The following LPP variants were observed in gnomAD, a reference collection of about 807,000 sequenced individuals.
LPP encodes the protein lipoma-preferred partner.
A neutral mutation model predicts 60.4 loss-of-function variants in LPP; 38 were observed. The ratio of observed to expected loss-of-function variants is 0.63; its 90% confidence interval spans 0.49 to 0.83. The LOEUF (loss-of-function observed/expected upper bound fraction) is 0.83, where lower values mean the gene tolerates loss of function less well. LPP is among the 40% of genes least tolerant of loss of function. The pLI is 0.00. For missense variants in LPP, 902 were observed against 783.6 expected, an observed-to-expected ratio of 1.15 and a Z score of -1.80; for synonymous variants, 328 against 290.8, an observed-to-expected ratio of 1.13 and a Z score of -1.30.
chr3:188,603,197 G>A (rs1841767045), intron 6 of LPP, among the ~76,000 whole-genome samples: 1 of 151,850 alleles, frequency 6.6e-6, no homozygotes, highest in Non-Finnish European at 1.5e-5. Flanking sequence ...TCACTTTGTT[G>A]TTTCCTAGAC....
At chr3:188,869,046 T>G (rs530732654) in intron 10 of LPP, among the ~76,000 whole-genome samples, 1 of 152,252 alleles carries the variant, frequency 6.6e-6, no homozygotes, top group South Asian at 2.1e-4. Context: ...GTGGTCAGAA[T>G]AGGCTTTGTG....
chr3:188,632,126 CT>C (rs35673562), intron 7 of LPP, among the ~76,000 whole-genome samples: 141 of 152,170 alleles, frequency 9.3e-4, no homozygotes, highest in African/African-American at 3.3e-3. Context: ...TATTCCTTTC[CT>C]TTTTTCCCTC....
At chr3:188,197,612 C>T (rs1001448420) in intron 1 of LPP, among the ~76,000 whole-genome samples, 1 of 152,184 alleles carries the variant, frequency 6.6e-6, no homozygotes, top group Non-Finnish European at 1.5e-5. Context: ...ATCTCAGGCC[C>T]TAATGAGGTG....
intron 8 of LPP, among the ~76,000 whole-genome samples, chr3:188,743,148 A>C (rs1485197814): frequency 6.6e-6 from 1 of 152,194 alleles, no homozygotes; most frequent in Non-Finnish European, 1.5e-5. Context: ...TGAGGGAAAT[A>C]TCTTTATAGA....
At chr3:188,847,223 C>T (rs986265236) in intron 9 of LPP, among the ~76,000 whole-genome samples, 1 of 152,268 alleles carries the variant, frequency 6.6e-6, no homozygotes. Context: ...GTGTGAGACT[C>T]TTGGAGTAAA....
chr3:188,295,403 CCA>C (rs1747536930), intron 2 of LPP, among the ~76,000 whole-genome samples: 1 of 152,204 alleles, frequency 6.6e-6, no homozygotes, highest in African/African-American at 2.4e-5. Flanking sequence ...AGTGACAAAA[CCA>C]CAGTCATCCA....
chr3:188,156,930 C>G (rs1716668076), intron 1 of LPP, among the ~76,000 whole-genome samples: 1 of 151,768 alleles, frequency 6.6e-6, no homozygotes, highest in South Asian at 2.1e-4. Context: ...TATTACGTAC[C>G]ATTGGCAAAT....
intron 3 of LPP, among the ~76,000 whole-genome samples, chr3:188,396,400 A>T (rs980064133): frequency 2.6e-5 from 4 of 152,224 alleles, no homozygotes; most frequent in African/African-American, 9.6e-5. Flanking sequence ...TCATGGCCTG[A>T]CTAATGGTCA....
At chr3:188,813,193 T>C (rs112924763) in intron 9 of LPP, among the ~76,000 whole-genome samples, 30 of 152,326 alleles carry the variant, frequency 2.0e-4, no homozygotes, top group African/African-American at 7.2e-4. Context: ...GTACTCCATG[T>C]ATATTTTTAT....
chr3:188,754,005 G>T (rs1267484345), intron 8 of LPP, among the ~76,000 whole-genome samples: 2 of 152,204 alleles, frequency 1.3e-5, no homozygotes, highest in Non-Finnish European at 2.9e-5. Context: ...AACCATAGGA[G>T]ATTGCATATT....
chr3:188,807,254 C>A (rs1749445025), intron 9 of LPP, among the ~76,000 whole-genome samples: 1 of 151,866 alleles, frequency 6.6e-6, no homozygotes, highest in Non-Finnish European at 1.5e-5. Context: ...TCTGACTGAT[C>A]TCAAACTTTT....
In LPP at chr3:188,615,538, CAT is replaced by C. The variant is rs1190657705; in HGVS notation, c.1113+5697_1113+5698del. Among the ~76,000 whole-genome samples the C allele has an allele frequency of 7.9e-5, 12 of 152,222 alleles. No individual in the cohort carries two copies. In the East Asian group the frequency reaches 1.7e-3, roughly 22 times the overall value. On this transcript the variant is annotated intron_variant, in intron 7 of 11. Transcript: ENST00000617246. ...GGAGAATATCCTATGTTTCTAGAAA[CAT>C]ATGTATGTAGTAACTATATGCTTAG...
chr3:188,355,747 A>C (rs983197290), intron 3 of LPP, among the ~76,000 whole-genome samples: 1 of 152,198 alleles, frequency 6.6e-6, no homozygotes, highest in African/African-American at 2.4e-5. Context: ...AAGTGTTCCC[A>C]CGTTGTAGAA....
At chr3:188,753,879 C>T (rs946876430) in intron 8 of LPP, among the ~76,000 whole-genome samples, 3 of 152,214 alleles carry the variant, frequency 2.0e-5, no homozygotes, top group Non-Finnish European at 2.9e-5. Context: ...GTTGAACCTT[C>T]AAGCCTCTCT....
At chr3:188,282,629 C>T (rs554508068) in intron 2 of LPP, among the ~76,000 whole-genome samples, 1 of 152,158 alleles carries the variant, frequency 6.6e-6, no homozygotes, top group Non-Finnish European at 1.5e-5. Context: ...TTTCAGGCAA[C>T]CTTTCTGCCT....
intron 3 of LPP, among the ~76,000 whole-genome samples, chr3:188,369,480 G>A (rs1772353523): frequency 6.6e-6 from 1 of 152,014 alleles, no homozygotes. Flanking sequence ...ATGACTTCAG[G>A]AGTCATAATT....
chr3:188,182,807 A>G lies in LPP; in HGVS notation c.-190+28555A>G, dbSNP rs75983567. 1.6e-4 allele frequency among the ~76,000 whole-genome samples: 11 copies of G among 70,408 alleles called. No individual in the cohort carries two copies. The highest frequency in any genetic ancestry group is 4.7e-4 in the East Asian group (1 of 2,148). The allele number at this position is 70,408 out of a possible 152,430, so 46.2% of individuals were successfully genotyped here. ...ATATATGTACATATACAATATATGC[A>G]CATATATAATATATGTACATATAAT... On this transcript the variant is annotated intron_variant, in intron 1 of 11. Transcript: ENST00000617246. This position sits in a 1 kb window ranked among gnomAD's most constrained non-coding sequence, Gnocchi z 4.4.
At chr3:188,446,599 TA>T (rs1795287926) in intron 4 of LPP, among the ~76,000 whole-genome samples, 1 of 152,220 alleles carries the variant, frequency 6.6e-6, no homozygotes, top group Non-Finnish European at 1.5e-5. Flanking sequence ...CAAATTTCCT[TA>T]ATTTTTCACG....
intron 7 of LPP, among the ~76,000 whole-genome samples, chr3:188,670,447 CTCTT>C (rs1856736557): frequency 6.6e-6 from 1 of 150,394 alleles, no homozygotes; most frequent in South Asian, 2.1e-4. Flanking sequence ...CCAGGTCTCT[CTCTT>C]TTTTTTTTTT....
Sources: allele counts gnomAD v4.1 joint callset (sites outside exome capture counted in the v4.1 genomes callset), GRCh38; gene constraint gnomAD v4.1.1; non-coding constraint Gnocchi (gnomAD v3.1); transcripts MANE v1.5; gene names NCBI Gene and HGNC (gene_info 2026-07-23, HGNC 2026-07-21).